Variants in VIRMA observed in about 807,000 individuals in gnomAD.
VIRMA encodes the protein protein virilizer homolog.
In VIRMA, 65 loss-of-function variants were observed where a neutral mutation model predicts 182.4. The ratio of observed to expected loss-of-function variants is 0.36; its 90% CI spans 0.29 to 0.44. VIRMA has a LOEUF of 0.44. Ranked by LOEUF, VIRMA falls within the 20% of genes least tolerant of loss-of-function variation. The probability of loss-of-function intolerance (pLI) is 1.00; values close to 1 mark genes in which losing one functional copy is unlikely to be tolerated. For missense variants in VIRMA, 1,752 were observed against 2,158.1 expected, an observed-to-expected ratio of 0.81 and a Z score of 3.73; for synonymous variants, 709 against 743.1, an observed-to-expected ratio of 0.95 and a Z score of 0.75.
In VIRMA at chr8:94,508,525, G is replaced by C. The variant is rs374341253; in HGVS notation, c.3879+1163C>G. On this transcript the variant is annotated intron_variant, in intron 15 of 23. Transcript: ENST00000297591. ...CAGAAGGAAAACACAGCAAAGTGAG[G>C]CCATCAATGAGATTCGTGTGACCAA... Among the ~76,000 whole-genome samples, 5 of 152,228 alleles carry C rather than the reference G, an allele frequency of 3.3e-5. No individual in the cohort carries two copies. In the East Asian group the frequency reaches 5.8e-4, roughly 18 times the overall value.
intron 16 of VIRMA, among the ~76,000 whole-genome samples, chr8:94,504,596 G>T (rs1333463404): frequency 1.3e-5 from 2 of 152,132 alleles, no homozygotes; most frequent in African/African-American, 2.4e-5. Flanking sequence ...AGATTACTTT[G>T]GCTTCTGAGA....
At chr8:94,513,707 G>A (rs544451278) in intron 11 of VIRMA, among the ~76,000 whole-genome samples, 1 of 152,110 alleles carries the variant, frequency 6.6e-6, no homozygotes, top group East Asian at 1.9e-4. Context: ...TCAAACCATC[G>A]CCATTTATTG....
Position 94,510,518 on chromosome 8 carries a change from A to C in VIRMA, c.3525T>G (p.His1175Gln). The change falls in exon 14 of 24, where the codon CAT becomes CAG. Residue 1175 changes from histidine (H) to glutamine (Q), a missense_variant. Around this residue, in one of 11 missense-constraint regions of VIRMA, gnomAD observed 777 missense variants for 920.6 expected, o/e 0.84. Coordinates refer to ENST00000297591, the MANE Select transcript of VIRMA (RefSeq NM_015496.5). ...ATTGAACACAAATACGCCGTAACAT[A>C]TGTTGAATGGGCTGGCAGGTTGTGC... Reference protein sequence around the residue: ...FSGTTCQPIQHMLRRICVQLC... With the variant: ...FSGTTCQPIQQMLRRICVQLC... The C allele has an allele frequency of 6.2e-7, 1 of 1,614,142 alleles. No homozygotes were observed. Among genetic ancestry groups the C allele is most frequent in the South Asian group, 1.1e-5 (1 of 91,086 alleles).
In VIRMA at chr8:94,510,580, C is replaced by T. The variant is rs1814330356; in HGVS notation, c.3463G>A (p.Ala1155Thr). The T allele has an allele frequency of 3.7e-6, 6 of 1,614,082 alleles. No individual in the cohort carries two copies. Among genetic ancestry groups the T allele is most frequent in the Non-Finnish European group, 4.2e-6 (5 of 1,179,996 alleles). The part of the protein sequence containing the change: ...KLWSMHLHVQ[A>T]KLLQEIVRSF... ...CGAACTATTTCTTGGAGCAACTTTG[C>T]TTGAACATGAAGGTGCATGCTCCAC... is the stretch of plus-strand genomic sequence containing the variant. The change falls in exon 14 of 24, where the codon GCA becomes ACA. Residue 1155 changes from alanine (A) to threonine (T), a missense_variant. Physicochemically the swap from Ala to Thr is moderately conservative, Grantham distance 58 (BLOSUM62 0). Coordinates refer to ENST00000297591, the MANE Select transcript of VIRMA (RefSeq NM_015496.5).
intron 7 of VIRMA, among the ~76,000 whole-genome samples, chr8:94,528,613 T>C (rs1053006738): frequency 3.3e-5 from 5 of 152,234 alleles, no homozygotes; most frequent in Non-Finnish European, 7.3e-5. Context: ...ACTTGTGTAA[T>C]TGAGATTTTT....
At chr8:94,505,394 T>TA (rs1814119210) in intron 16 of VIRMA, among the ~76,000 whole-genome samples, 1 of 151,690 alleles carries the variant, frequency 6.6e-6, no homozygotes, top group African/African-American at 2.4e-5. Flanking sequence ...TCCCAGCAAA[T>TA]AAAAACATCA....
chr8:94,544,162 T>C (rs1815678254), intron 1 of VIRMA, among the ~76,000 whole-genome samples: 1 of 152,148 alleles, frequency 6.6e-6, no homozygotes, highest in African/African-American at 2.4e-5. Flanking sequence ...TGCATTTACT[T>C]CCCTGCTGAT....
At position 94,509,625 on chromosome 8, in the gene VIRMA, T is replaced by TACACACAC. The variant is rs138207070; in HGVS notation, c.3879+55_3879+62dup. 157 of 1,412,902 alleles carry TACACACAC rather than the reference T, an allele frequency of 1.1e-4. No homozygotes were observed. In the Middle Eastern group the frequency reaches 2.9e-3, roughly 27 times the overall value. The allele number at this position is 1,412,902 out of a possible 1,614,324, so 87.5% of individuals were successfully genotyped here. A position where few individuals can be genotyped will look rare whatever the true frequency, so the allele number is the denominator to read the frequency against. Reference sequence around the variant, plus strand: ...CAAAATTTACATCAAGATGCTTAAATACACACACACACACACACACATACA... The same window carrying TACACACAC: ...CAAAATTTACATCAAGATGCTTAAATACACACACACACACACACACACACACACATACA... On this transcript the variant is annotated intron_variant, in intron 15 of 23. Transcript: ENST00000297591.
intron 3 of VIRMA, among the ~76,000 whole-genome samples, chr8:94,537,991 CAT>C (rs1233437991): frequency 1.3e-5 from 2 of 152,176 alleles, no homozygotes; most frequent in South Asian, 4.1e-4. Flanking sequence ...AGGTTACTAT[CAT>C]GTGTGAAAGT....
intron 15 of VIRMA, 60 bp from the exon 16 acceptor site, chr8:94,506,777 C>T (rs1242178767): frequency 1.9e-6 from 2 of 1,050,194 alleles, no homozygotes; most frequent in African/African-American, 3.2e-5. Context: ...TCACTTAGCA[C>T]TTTTGAGAAA....
chr8:94,520,979 G>A (rs1237745052), intron 8 of VIRMA, among the ~76,000 whole-genome samples: 1 of 152,026 alleles, frequency 6.6e-6, no homozygotes, highest in Non-Finnish European at 1.5e-5. Flanking sequence ...CAATTCTCTG[G>A]ACTCAAGTGA....
intron 16 of VIRMA, among the ~76,000 whole-genome samples, chr8:94,501,579 G>A (rs542834890): frequency 6.6e-6 from 1 of 152,266 alleles, no homozygotes; most frequent in South Asian, 2.1e-4. Flanking sequence ...TAGATAATGA[G>A]AGCTGAATTT....
chr8:94,509,441 G>C (rs1397950926), intron 15 of VIRMA, among the ~76,000 whole-genome samples: 1 of 151,872 alleles, frequency 6.6e-6, no homozygotes, highest in Non-Finnish European at 1.5e-5. Flanking sequence ...AACGTAATTG[G>C]AAGGAAAATG....
chr8:94,532,193 AC>A (rs1444606668), intron 5 of VIRMA, among the ~76,000 whole-genome samples: 4 of 152,156 alleles, frequency 2.6e-5, no homozygotes, highest in Non-Finnish European at 5.9e-5. Flanking sequence ...TGCAGCCTCC[AC>A]CACCAGGGTT....
intron 9 of VIRMA, 85 bp downstream of exon 9, chr8:94,518,895 CAAAAT>C: frequency 8.2e-7 from 1 of 1,221,624 alleles, no homozygotes; most frequent in Non-Finnish European, 1.1e-6. Flanking sequence ...TTTTCCCTCT[CAAAAT>C]AACACCTTCT....
In VIRMA at chr8:94,510,418, T is replaced by C; in HGVS notation, c.3625A>G (p.Ser1209Gly). Residue 1209 changes from serine (S) to glycine (G), a missense_variant and splice_region_variant, in exon 14 of 24, where the codon AGC becomes GGC. Around this residue, in one of 11 missense-constraint regions of VIRMA, gnomAD observed 777 missense variants for 920.6 expected, o/e 0.84. Coordinates refer to ENST00000297591, the MANE Select transcript of VIRMA (RefSeq NM_015496.5). ...VLDLIVEDLQ[S>G]TSEDKEKQYT... Reference sequence around the variant, plus strand: ...ATTTTTAATGCAAAATGAAAATACCTTTGCAAGTCTTCTACAATCAAATCC... The same window carrying C: ...ATTTTTAATGCAAAATGAAAATACCCTTGCAAGTCTTCTACAATCAAATCC... The C allele has an allele frequency of 6.2e-7, 1 of 1,608,538 alleles. No individual in the cohort carries two copies. The highest frequency in any genetic ancestry group is 8.5e-7 in the Non-Finnish European group (1 of 1,176,028).
intron 8 of VIRMA, among the ~76,000 whole-genome samples, chr8:94,520,982 T>C (rs756216675): frequency 6.6e-6 from 1 of 152,206 alleles, no homozygotes; most frequent in African/African-American, 2.4e-5. Flanking sequence ...TTCTCTGGAC[T>C]CAAGTGATCC....
intron 4 of VIRMA, among the ~76,000 whole-genome samples, chr8:94,536,267 A>G (rs1815339208): frequency 1.3e-5 from 2 of 152,216 alleles, no homozygotes; most frequent in African/African-American, 4.8e-5. Context: ...ACAGATAACA[A>G]TGATAATTTT....
At chr8:94,505,269 T>A (rs778570007) in intron 16 of VIRMA, among the ~76,000 whole-genome samples, 1 of 152,172 alleles carries the variant, frequency 6.6e-6, no homozygotes, top group Admixed American at 6.5e-5. Context: ...TTTCAACCAA[T>A]GCTGCAAGAA....
Sources: allele counts gnomAD v4.1 joint callset (sites outside exome capture counted in the v4.1 genomes callset), GRCh38; gene constraint gnomAD v4.1.1; regional missense constraint gnomAD v4.1.1; transcripts MANE v1.5; gene names NCBI Gene and HGNC (gene_info 2026-07-23, HGNC 2026-07-21).